SMG6: variants seen among roughly 807,000 people sequenced by gnomAD.
SMG6 encodes the protein telomerase-binding protein EST1A.
Under a neutral mutation model 142.2 loss-of-function variants are expected in SMG6, and 66 were observed. The ratio of observed to expected loss-of-function variants is 0.46; its 90% CI spans 0.38 to 0.57. The LOEUF is 0.57. Ranked by LOEUF, SMG6 falls within the 20% of genes least tolerant of loss-of-function variation. SMG6 has a pLI of 0.00. For missense variants in SMG6, 1,793 were observed against 1,832.0 expected, an observed-to-expected ratio of 0.98 and a Z score of 0.39; for synonymous variants, 779 against 702.4, an observed-to-expected ratio of 1.11 and a Z score of -1.72.
At chr17:2,075,217 C>G (rs1018741660) in intron 15 of SMG6, among the ~76,000 whole-genome samples, 1 of 146,782 alleles carries the variant, frequency 6.8e-6, no homozygotes, top group Non-Finnish European at 1.5e-5. Flanking sequence ...CAACAGCCCC[C>G]CCTAGCTGGG....
intron 8 of SMG6, among the ~76,000 whole-genome samples, chr17:2,274,959 A>C (rs918312413): frequency 1.3e-5 from 2 of 151,698 alleles, no homozygotes; most frequent in Admixed American, 6.6e-5. Context: ...TTATCTCCAC[A>C]TATTTAGCAA....
intron 13 of SMG6, among the ~76,000 whole-genome samples, chr17:2,099,200 T>A (rs2068940421): frequency 6.6e-6 from 1 of 152,110 alleles, no homozygotes; most frequent in Non-Finnish European, 1.5e-5. Flanking sequence ...ATACTGCCTA[T>A]ACTGTGTCAA....
chr17:2,168,192 A>T lies in SMG6; in HGVS notation c.3357+4466T>A, dbSNP rs570160873. ...CCTTTTGCAGGTTTTTTTTAAAAAA[A>T]TTTTATTTATTTATTTTTTGAGACA... On this transcript the variant is annotated intron_variant, in intron 13 of 18. Coordinates refer to ENST00000263073, the MANE Select transcript of SMG6 (RefSeq NM_017575.5). Among the ~76,000 whole-genome samples the T allele has an allele frequency of 1.8e-3, 274 of 151,328 alleles. 1 individual carries two copies. The highest frequency in any genetic ancestry group is 0.013 in the South Asian group (63 of 4,796).
chr17:2,278,259 A>G (rs1017219407), intron 8 of SMG6, among the ~76,000 whole-genome samples: 1 of 150,546 alleles, frequency 6.6e-6, no homozygotes, highest in Non-Finnish European at 1.5e-5. Context: ...CTGGAGTGCA[A>G]TGGTGCAATC....
intron 1 of SMG6, among the ~76,000 whole-genome samples, chr17:2,301,219 G>A (rs576434824): frequency 2.0e-5 from 3 of 152,180 alleles, no homozygotes; most frequent in Non-Finnish European, 4.4e-5. Flanking sequence ...TGCAACTTTA[G>A]TCTTTAAACT....
At chr17:2,103,601 G>A (rs751138985) in intron 13 of SMG6, among the ~76,000 whole-genome samples, 3 of 152,202 alleles carry the variant, frequency 2.0e-5, no homozygotes, top group Non-Finnish European at 4.4e-5. Context: ...TTAGTGTTCT[G>A]AGGACTCTTG....
At chr17:2,268,606 C>T (rs1357178655) in intron 8 of SMG6, among the ~76,000 whole-genome samples, 1 of 150,972 alleles carries the variant, frequency 6.6e-6, no homozygotes, top group Non-Finnish European at 1.5e-5. Context: ...AACCCCATCG[C>T]TACTTAAAAA....
intron 13 of SMG6, among the ~76,000 whole-genome samples, chr17:2,116,085 T>A (rs1441206363): frequency 6.6e-6 from 1 of 152,176 alleles, no homozygotes; most frequent in East Asian, 1.9e-4. Flanking sequence ...ATTTATTTAT[T>A]TTTGAGACAG....
chr17:2,134,419 CAAAAAAAAAAAAAA>C (rs58429166), intron 13 of SMG6, among the ~76,000 whole-genome samples: 6 of 28,724 alleles, frequency 2.1e-4, no homozygotes, highest in South Asian at 3.3e-3. Flanking sequence ...GACTCCATCT[CAAAAAAAAAAAAAA>C]AAAAAAAAAA....
At chr17:2,176,185 T>C (rs1476216211) in intron 12 of SMG6, among the ~76,000 whole-genome samples, 1 of 152,208 alleles carries the variant, frequency 6.6e-6, no homozygotes, top group Non-Finnish European at 1.5e-5. Context: ...GTTCTGTGGG[T>C]GCACATAGGA....
intron 4 of SMG6, among the ~76,000 whole-genome samples, chr17:2,293,470 T>TC (rs36113266): frequency 6.6e-6 from 1 of 151,654 alleles, no homozygotes; most frequent in Non-Finnish European, 1.5e-5. Flanking sequence ...TTCTTTTTTT[T>TC]CCCCCCTAAT....
At chr17:2,175,814 G>A (rs939027216) in intron 12 of SMG6, among the ~76,000 whole-genome samples, 1 of 152,174 alleles carries the variant, frequency 6.6e-6, no homozygotes, top group Admixed American at 6.5e-5. Context: ...TTCAATGAGA[G>A]GTCACTTCTG....
chr17:2,143,878 G>T (rs1186847331), intron 13 of SMG6, among the ~76,000 whole-genome samples: 1 of 151,990 alleles, frequency 6.6e-6, no homozygotes, highest in East Asian at 1.9e-4. Flanking sequence ...CTGTACTGGG[G>T]TATAACTGAA....
In SMG6 at chr17:2,061,322, C is replaced by G; in HGVS notation, c.*170G>C. The stretch of plus-strand genomic sequence containing the variant: ...TTCCGCCCGATCCTTGGGAGGGGCT[C>G]TGTGAGGAGCAGGTCCCCCACAGCA... On this transcript the variant is annotated 3_prime_UTR_variant, in exon 19 of 19. Coordinates refer to ENST00000263073, the MANE Select transcript of SMG6 (RefSeq NM_017575.5). 1 of 660,430 alleles carries G rather than the reference C, an allele frequency of 1.5e-6. No homozygotes were observed. Among genetic ancestry groups the G allele is most frequent in the Non-Finnish European group, 2.5e-6 (1 of 398,048 alleles). The allele number at this position is 660,430 out of a possible 1,614,324, so 40.9% of individuals were successfully genotyped here.
In SMG6 at chr17:2,085,915, G is replaced by A. The variant is rs1597362185; in HGVS notation, c.3358-14C>T. 2.5e-6 allele frequency: 4 copies of A among 1,612,208 alleles called. No homozygotes were observed. Among genetic ancestry groups the A allele is most frequent in the African/African-American group, 1.3e-5 (1 of 74,906 alleles). ...AGCTGCAATAACCTACAGGGTGAGA[G>A]GGAGAGAAGAAAAACAGCATTTTCT... On this transcript the variant is annotated splice_polypyrimidine_tract_variant and intron_variant, in intron 13 of 18. Transcript: ENST00000263073. This position sits in a 1 kb window ranked among gnomAD's most constrained non-coding sequence, Gnocchi z 4.1.
At chr17:2,254,923 T>C (rs1213208509) in intron 8 of SMG6, among the ~76,000 whole-genome samples, 2 of 151,924 alleles carry the variant, frequency 1.3e-5, no homozygotes, top group Non-Finnish European at 2.9e-5. Flanking sequence ...AGTTGAAAAG[T>C]GAGGGTTGAA....
intron 6 of SMG6, among the ~76,000 whole-genome samples, chr17:2,287,088 C>T (rs1017856998): frequency 1.3e-5 from 2 of 152,026 alleles, no homozygotes; most frequent in Admixed American, 6.6e-5. Context: ...CCTGCCACTG[C>T]GCCTGGCTAA....
At chr17:2,249,049 G>A (rs539853773) in intron 8 of SMG6, among the ~76,000 whole-genome samples, 36 of 150,690 alleles carry the variant, frequency 2.4e-4, no homozygotes, top group Non-Finnish European at 4.6e-4. Flanking sequence ...ACCACGCCCC[G>A]TTAATTTTTT....
intron 13 of SMG6, chr17:2,087,625 AAGG>A (rs1174628145): frequency 4.0e-6 from 4 of 996,860 alleles, no homozygotes; most frequent in African/African-American, 1.7e-5. Context: ...TGCCTCCGTG[AAGG>A]AGAAGGGAAG....
Sources: allele counts gnomAD v4.1 joint callset (sites outside exome capture counted in the v4.1 genomes callset), GRCh38; gene constraint gnomAD v4.1.1; non-coding constraint Gnocchi (gnomAD v3.1); transcripts MANE v1.5; gene names NCBI Gene and HGNC (gene_info 2026-07-23, HGNC 2026-07-21).